SLC38A9: variants seen among roughly 807,000 people sequenced by gnomAD.
SLC38A9 encodes neutral amino acid transporter 9.
Under a neutral mutation model 62.3 loss-of-function variants are expected in SLC38A9, and 48 were observed. The observed-to-expected ratio is 0.77, with a 90% CI of 0.61 to 0.98. The LOEUF (loss-of-function observed/expected upper bound fraction) is 0.98, where lower values mean the gene tolerates loss of function less well. SLC38A9 is among the 50% of genes least tolerant of loss of function. The pLI is 0.00. For missense variants in SLC38A9, 541 were observed against 679.8 expected (o/e 0.80, Z 2.27); for synonymous variants, 204 against 227.7 (o/e 0.90, Z 0.94).
At chr5:55,688,117 G>T (rs1487880197) in intron 3 of SLC38A9, among the ~76,000 whole-genome samples, 3 of 152,156 alleles carry the variant, frequency 2.0e-5, no homozygotes, top group Non-Finnish European at 4.4e-5. Flanking sequence ...TGTATCCTGA[G>T]ACTTCACTGA....
At chr5:55,709,459 G>C (rs1309472704) in intron 2 of SLC38A9, among the ~76,000 whole-genome samples, 3 of 151,508 alleles carry the variant, frequency 2.0e-5, no homozygotes, top group Non-Finnish European at 2.9e-5. Context: ...GCTCATGCCT[G>C]TAATCCCAAT....
At chr5:55,646,232 G>A (rs779600521) in intron 11 of SLC38A9, among the ~76,000 whole-genome samples, 1 of 152,052 alleles carries the variant, frequency 6.6e-6, no homozygotes, top group Non-Finnish European at 1.5e-5. Flanking sequence ...AAAAATTAGC[G>A]TGGTGGTGGA....
chr5:55,647,181 T>A (rs1207261774), intron 11 of SLC38A9, among the ~76,000 whole-genome samples: 1 of 86,602 alleles, frequency 1.2e-5, no homozygotes, highest in African/African-American at 3.6e-5. Flanking sequence ...TTTTATTTTA[T>A]TTTTTATTTT....
chr5:55,710,854 G>A (rs544931571), intron 2 of SLC38A9, among the ~76,000 whole-genome samples: 51 of 151,354 alleles, frequency 3.4e-4, no homozygotes, highest in South Asian at 2.7e-3. Flanking sequence ...TCTTGACCTC[G>A]TGATCTGCCT....
At chr5:55,684,693 G>A (rs573569177) in intron 3 of SLC38A9, among the ~76,000 whole-genome samples, 4 of 152,140 alleles carry the variant, frequency 2.6e-5, no homozygotes, top group East Asian at 1.9e-4. Context: ...TCACTCTGTC[G>A]CCCAGGCTGG....
At chr5:55,691,286 C>G (rs1754701680) in intron 3 of SLC38A9, 10 of 1,490,954 alleles carry the variant, frequency 6.7e-6, no homozygotes, top group Non-Finnish European at 9.0e-6. Context: ...AAGCTGACAA[C>G]AGAGCCCTGG....
rs1004406674 is a variant in SLC38A9, at chr5:55,645,971, T to C, written c.1061-76A>G. ...GTATTGGTAGCCAAAAGTTGACTAC[T>C]AAAAATCAGTTGTCACTGTTTTATC... On this transcript the variant is annotated intron_variant, in intron 11 of 15. Coordinates refer to ENST00000396865, the MANE Select transcript of SLC38A9 (RefSeq NM_173514.4). 17 of 861,474 alleles carry C rather than the reference T, an allele frequency of 2.0e-5. No individual in the cohort carries two copies. In the Admixed American group the frequency reaches 2.4e-4, roughly 12 times the overall value. The allele number at this position is 861,474 out of a possible 1,614,324, so 53.4% of individuals were successfully genotyped here.
intron 11 of SLC38A9, among the ~76,000 whole-genome samples, chr5:55,647,443 TCCA>T (rs1746586366): frequency 6.6e-6 from 1 of 152,060 alleles, no homozygotes; most frequent in Admixed American, 6.6e-5. Context: ...GTATAAAAAG[TCCA>T]CTGACTCTGC....
chr5:55,636,846 T>C (rs1173416581), intron 12 of SLC38A9, among the ~76,000 whole-genome samples: 1 of 152,140 alleles, frequency 6.6e-6, no homozygotes, highest in Non-Finnish European at 1.5e-5. Context: ...TGCAGATTGG[T>C]TCCAGCCCTC....
At chr5:55,629,317 A>G (rs1743014038) in intron 14 of SLC38A9, among the ~76,000 whole-genome samples, 1 of 152,030 alleles carries the variant, frequency 6.6e-6, no homozygotes, top group Non-Finnish European at 1.5e-5. Flanking sequence ...GCTCAAACCA[A>G]CCTCCTGAAT....
At chr5:55,682,007 T>C (rs2408202) in intron 3 of SLC38A9, among the ~76,000 whole-genome samples, 91,082 of 151,850 alleles carry the variant, frequency 0.6, 27,916 homozygotes, top group South Asian at 0.7. Context: ...TTACCAACTC[T>C]TGTCCTAGAC....
intron 14 of SLC38A9, among the ~76,000 whole-genome samples, chr5:55,629,876 A>G (rs1021095252): frequency 6.6e-6 from 1 of 152,242 alleles, no homozygotes; most frequent in African/African-American, 2.4e-5. Flanking sequence ...TAGTGATAGT[A>G]TTAATGAAAG....
At chr5:55,662,687 C>CAAAAA (rs200454419) in intron 8 of SLC38A9, among the ~76,000 whole-genome samples, 6 of 141,130 alleles carry the variant, frequency 4.3e-5, no homozygotes, top group Non-Finnish European at 6.0e-5. Flanking sequence ...AAAAAAAAAC[C>CAAAAA]AAAAAAAAAA....
chr5:55,670,028 G>C (rs937159634), intron 4 of SLC38A9, 149 bp from the exon 5 acceptor site: 7 of 554,154 alleles, frequency 1.3e-5, no homozygotes, highest in South Asian at 7.5e-5. Flanking sequence ...GCAGTGACGC[G>C]ATCTCGGCTC....
At chr5:55,643,940 C>G (rs1328566483) in intron 12 of SLC38A9, among the ~76,000 whole-genome samples, 1 of 152,070 alleles carries the variant, frequency 6.6e-6, no homozygotes, top group East Asian at 1.9e-4. Context: ...TGTTTTTTAA[C>G]AAGTCTGAAA....
At position 55,669,750 on chromosome 5, in the gene SLC38A9, T is replaced by C; in HGVS notation, c.368+8A>G. 1 of 1,609,810 alleles carries C rather than the reference T, an allele frequency of 6.2e-7. No individual in the cohort carries two copies. Among genetic ancestry groups the C allele is most frequent in the South Asian group, 1.1e-5 (1 of 90,222 alleles). ...TTAAGTCATGCTCCAAAAAGCAGTT[T>C]CACTCACATGGTTACTAAACTGGTG... On this transcript the variant is annotated splice_region_variant and intron_variant, in intron 5 of 15. Transcript: ENST00000396865.
At chr5:55,704,120 ATCACACCACT>A (rs1183141417) in intron 2 of SLC38A9, 1 of 152,236 alleles carries the variant, frequency 6.6e-6, no homozygotes, top group African/African-American at 2.4e-5. Flanking sequence ...GTGAGCTATG[ATCACACCACT>A]GCAGTCCAGC....
intron 11 of SLC38A9, among the ~76,000 whole-genome samples, chr5:55,646,554 C>A (rs745967243): frequency 3.9e-5 from 6 of 152,048 alleles, no homozygotes; most frequent in Non-Finnish European, 8.8e-5. Context: ...AAAGGGCAAA[C>A]TGGTCATTTA....
chr5:55,666,000 T>C (rs780940934), intron 7 of SLC38A9, among the ~76,000 whole-genome samples: 1 of 152,100 alleles, frequency 6.6e-6, no homozygotes, highest in East Asian at 1.9e-4. Context: ...TTCTTTAGAA[T>C]AGCAAAAACT....
Sources: gnomAD v4.1 joint callset for allele counts (sites outside exome capture counted in the v4.1 genomes callset) on GRCh38, gnomAD v4.1.1 for gene constraint, MANE v1.5 for transcripts, NCBI Gene and HGNC (gene_info 2026-07-23, HGNC 2026-07-21) for gene names.